The following MYH1 variants were observed in gnomAD, a reference collection of about 807,000 sequenced individuals.
MYH1 encodes myosin heavy chain 1.
In MYH1, 214 loss-of-function variants were observed where a neutral mutation model predicts 225.6. That is an observed-to-expected ratio of 0.95 (90% CI 0.85 to 1.06). The LOEUF is 1.06. Among genes scored for constraint, MYH1 ranks in the 50% least tolerant of loss-of-function variants. MYH1 has a pLI of 0.00. For synonymous variants in MYH1, 774 were observed against 842.3 expected (o/e 0.92, Z 1.40); for missense variants, 2,098 against 2,344.2 (o/e 0.89, Z 2.17).
intron 2 of MYH1, among the ~76,000 whole-genome samples, chr17:10,517,841 A>T (rs1420582389): frequency 6.6e-6 from 1 of 152,206 alleles, no homozygotes; most frequent in African/African-American, 2.4e-5. Flanking sequence ...ATCATCTCTC[A>T]TAGGTTTTTA....
At position 10,496,026 on chromosome 17, in the gene MYH1, T is replaced by C. The variant is rs2142255173; in HGVS notation, c.5093A>G (p.Gln1698Arg). 4 of 1,614,122 alleles carry C rather than the reference T, an allele frequency of 2.5e-6. No homozygotes were observed. The highest frequency in any genetic ancestry group is 4.5e-5 in the East Asian group (2 of 44,854). Residue 1698 changes from glutamine (Q) to arginine (R), a missense_variant, in exon 35 of 40, where the codon CAG (glutamine) becomes CGG (arginine). Gln to Arg is a conservative substitution (Grantham distance 43). Transcript: ENST00000226207. ...TGCGATTTTCCTGCTCCTCTCTGTC[T>C]GTTCCAGAGTGGCCCGCAGCTCCTC... ...EIEELRATLE[Q>R]TERSRKIAEQ...
chr17:10,513,078 G>T, intron 9 of MYH1, 113 bp from the exon 10 acceptor site: 1 of 694,730 alleles, frequency 1.4e-6, no homozygotes, highest in Non-Finnish European at 2.5e-6. Flanking sequence ...GATTTCAACT[G>T]AATGTTCCTG....
rs768249862 is a variant in MYH1, at chr17:10,498,769, C to G, written c.4038G>C (p.Leu1346=). 6.8e-6 allele frequency: 11 copies of G among 1,614,230 alleles called. No individual in the cohort carries two copies. The highest frequency in any genetic ancestry group is 1.1e-5 in the South Asian group (1 of 91,084). Residue 1346 remains leucine (L), a synonymous_variant, in exon 30 of 40, where the codon CTG becomes CTC. Coordinates refer to ENST00000226207, the MANE Select transcript of MYH1 (RefSeq NM_005963.4). ...ALQSSRHDCD[L]LREQYEEEQE... ...GCTCCTCCTCATACTGTTCCCGCAG[C>G]AGGTCACAGTCATGGCGGGAGGACT...
rs2073058957 is a variant in MYH1 at position 10,501,642 on chromosome 17, A to C, written c.3300T>G (p.Asp1100Glu). Residue 1100 changes from aspartate to glutamate, a missense_variant, in exon 26 of 40, where the codon GAT (aspartate) becomes GAG (glutamate). By Grantham distance (45) the Asp-to-Glu change is conservative (BLOSUM62 2). Transcript: ENST00000226207. Reference protein sequence around the residue: ...EMSGLQSKIEDEQALGMQLQK... With the variant: ...EMSGLQSKIEEEQALGMQLQK... ...GCAGCTGCATACCAAGGGCTTGTTC[A>C]TCTTCAATCTTGCTTTGCAGACCGC... 1 of 1,614,112 alleles carries C rather than the reference A, an allele frequency of 6.2e-7. No homozygotes were observed. Among genetic ancestry groups the C allele is most frequent in the Non-Finnish European group, 8.5e-7 (1 of 1,180,048 alleles).
chr17:10,495,598 A>G (rs951668697), intron 35 of MYH1, among the ~76,000 whole-genome samples: 3 of 151,426 alleles, frequency 2.0e-5, no homozygotes, highest in Admixed American at 6.6e-5. Flanking sequence ...CGTCTCCACT[A>G]AAAATACAAA....
rs1307029230 is a variant in MYH1, at chr17:10,501,702, T to C, written c.3258-18A>G. On this transcript the variant is annotated intron_variant, in intron 25 of 39. Coordinates refer to ENST00000226207, the MANE Select transcript of MYH1 (RefSeq NM_005963.4). ...ACTCTTTCCTATTAGAAAAGCCCTT[T>C]ATGTCAGTCTCAGAAATATTAAGAG... is the stretch of plus-strand genomic sequence containing the variant. The C allele has an allele frequency of 6.2e-7, 1 of 1,614,050 alleles. No individual in the cohort carries two copies. Among genetic ancestry groups the C allele is most frequent in the Non-Finnish European group, 8.5e-7 (1 of 1,180,006 alleles).
chr17:10,509,673 A>G lies in MYH1; in HGVS notation c.1417-18T>C. On this transcript the variant is annotated intron_variant, in intron 14 of 39. Transcript: ENST00000226207. ...CTGTTGAACTAAATGAGTTGAAAAT[A>G]CAAATTAGCATTCAATTTATAATGA... The G allele has an allele frequency of 6.2e-7, 1 of 1,614,246 alleles. No individual in the cohort carries two copies. The highest frequency in any genetic ancestry group is 8.5e-7 in the Non-Finnish European group (1 of 1,180,034).
Position 10,497,323 on chromosome 17 carries a change from G to T in MYH1, c.4495C>A (p.Leu1499Ile). 1 of 1,609,842 alleles carries T rather than the reference G, an allele frequency of 6.2e-7. No individual in the cohort carries two copies. The highest frequency in any genetic ancestry group is 8.5e-7 in the Non-Finnish European group (1 of 1,179,034). ...TTATTTTCCCGTTTCAAGGTTTCAA[G>T]TTGGTCTAAAGATTCCTCATAAGCA... The part of the protein sequence containing the change: ...KNAYEESLDQ[L>I]ETLKRENKNL... Residue 1499 changes from leucine (L) to isoleucine (I), a missense_variant, in exon 32 of 40, where the codon CTT (leucine) becomes ATT (isoleucine). Leu to Ile is a conservative substitution (Grantham distance 5). Transcript: ENST00000226207.
intron 24 of MYH1, 53 bp downstream of exon 24, chr17:10,502,681 GCTTA>G (rs1474761814): frequency 2.0e-5 from 33 of 1,610,400 alleles, no homozygotes; most frequent in Admixed American, 3.3e-5. Flanking sequence ...ACAAACTTAT[GCTTA>G]CTTAGTTTGT....
At position 10,512,694 on chromosome 17, in the gene MYH1, A is replaced by G; in HGVS notation, c.995T>C (p.Leu332Ser). The change falls in exon 11 of 40, where the codon TTG becomes TCG. Residue 332 changes from leucine (L) to serine (S), a missense_variant. Coordinates refer to ENST00000226207, the MANE Select transcript of MYH1 (RefSeq NM_005963.4). Reference protein sequence around the residue: ...TVPSIDDQEELMATDSAIEIL... With the variant: ...TVPSIDDQEESMATDSAIEIL... ...TGTATAACTTACATCTGTAGCCATC[A>G]ACTCTTCTTGGTCATCAATGCTGGG... The G allele has an allele frequency of 6.2e-7, 1 of 1,613,762 alleles. No homozygotes were observed. The highest frequency in any genetic ancestry group is 8.5e-7 in the Non-Finnish European group (1 of 1,179,896).
In MYH1 at chr17:10,496,115, C is replaced by T. The variant is rs1433982646; in HGVS notation, c.5004G>A (p.Gln1668=). The T allele has an allele frequency of 1.9e-6, 3 of 1,614,172 alleles. No homozygotes were observed. The highest frequency in any genetic ancestry group is 1.1e-5 in the South Asian group (1 of 91,086). ...TAGCCAGCTGTTCCTTCAGGTCCTC[C>T]TGGCTCCGGAGAGCATCATCCAGGT... is the stretch of plus-strand genomic sequence containing the variant. ...QLHLDDALRS[Q]EDLKEQLAMV... Residue 1668 remains glutamine (Q), a synonymous_variant, in exon 35 of 40, where the codon CAG becomes CAA. Coordinates refer to ENST00000226207, the MANE Select transcript of MYH1 (RefSeq NM_005963.4).
intron 12 of MYH1, 59 bp downstream of exon 12, chr17:10,512,349 G>A: frequency 6.2e-7 from 1 of 1,613,446 alleles, no homozygotes; most frequent in South Asian, 1.1e-5. Context: ...CTTGAATTTT[G>A]GAATGGACAT....
At position 10,506,125 on chromosome 17, in the gene MYH1, T is replaced by G. The variant is rs369138865; in HGVS notation, c.1969-26A>C. On this transcript the variant is annotated intron_variant, in intron 17 of 39. Transcript: ENST00000226207. ...CTGTGGAACCATGCGAGTTTATACT[T>G]TAAAAAATGTACTGTTTTCTACATT... 22 of 1,612,290 alleles carry G rather than the reference T, an allele frequency of 1.4e-5. No individual in the cohort carries two copies. In the African/African-American group the frequency reaches 2.7e-4, roughly 20 times the overall value.
intron 27 of MYH1, 118 bp downstream of exon 27, chr17:10,500,992 G>T (rs184066128): frequency 2.1e-5 from 32 of 1,493,524 alleles, no homozygotes; most frequent in Non-Finnish European, 2.7e-5. Flanking sequence ...TGTACTATAC[G>T]TGATATGAGA....
At chr17:10,506,258 A>G (rs2073111633) in intron 17 of MYH1, among the ~76,000 whole-genome samples, 159 bp from the exon 18 acceptor site, 1 of 152,234 alleles carries the variant, frequency 6.6e-6, no homozygotes, top group African/African-American at 2.4e-5. Flanking sequence ...CCACATTCCT[A>G]ATATGTCCCC....
At chr17:10,495,739 C>CTG (rs1450838421) in intron 35 of MYH1, among the ~76,000 whole-genome samples, 1 of 50,330 alleles carries the variant, frequency 2.0e-5, no homozygotes, top group Non-Finnish European at 3.9e-5. Flanking sequence ...CCAGCCTGAG[C>CTG]GACAGAGCGA....
chr17:10,494,415 T>C lies in MYH1; in HGVS notation c.5606A>G (p.Gln1869Arg). ...EEDRKNILRL[Q>R]DLVDKLQAKV... ...TGCTTGCAGTTTGTCCACCAGGTCC[T>C]GGAGCCTGAGAATATTCTTGCGGTC... is the stretch of plus-strand genomic sequence containing the variant. The change falls in exon 39 of 40, where the codon CAG becomes CGG. Residue 1869 changes from glutamine to arginine, a missense_variant. Physicochemically the swap from Gln to Arg is conservative, Grantham distance 43. Transcript: ENST00000226207. 1 of 1,614,226 alleles carries C rather than the reference T, an allele frequency of 6.2e-7. No individual in the cohort carries two copies. The highest frequency in any genetic ancestry group is 8.5e-7 in the Non-Finnish European group (1 of 1,180,044).
chr17:10,508,895 C>A (rs996128427), intron 15 of MYH1, among the ~76,000 whole-genome samples: 1 of 152,158 alleles, frequency 6.6e-6, no homozygotes, highest in East Asian at 1.9e-4. Flanking sequence ...CAGAGTAAGA[C>A]AGATGAAGGC....
chr17:10,513,318 C>A (rs2073191100), intron 9 of MYH1, among the ~76,000 whole-genome samples: 1 of 152,112 alleles, frequency 6.6e-6, no homozygotes, highest in Non-Finnish European at 1.5e-5. Flanking sequence ...AATCACATAT[C>A]CTCAATCCCT....
Sources: gnomAD v4.1 joint callset for allele counts (sites outside exome capture counted in the v4.1 genomes callset) on GRCh38, gnomAD v4.1.1 for gene constraint, MANE v1.5 for transcripts, NCBI Gene and HGNC (gene_info 2026-07-23, HGNC 2026-07-21) for gene names.